The following GRIK2 variants were observed in gnomAD, a reference collection of about 807,000 sequenced individuals.
The protein encoded by GRIK2 is glutamate ionotropic receptor kainate type subunit 2, also known as glutamate receptor ionotropic, kainate 2.
In GRIK2, 32 loss-of-function variants were observed where a neutral mutation model predicts 100.3. The observed-to-expected ratio is 0.32, with a 90% CI of 0.24 to 0.43. GRIK2 has a LOEUF of 0.43. GRIK2 is among the 20% of genes least tolerant of loss of function. The pLI is 1.00. For synonymous variants in GRIK2, 417 were observed against 389.4 expected, an observed-to-expected ratio of 1.07 and a Z score of -0.83; for missense variants, 843 against 1,114.9, an observed-to-expected ratio of 0.76 and a Z score of 3.47.
intron 2 of GRIK2, among the ~76,000 whole-genome samples, chr6:101,569,021 A>C (rs1777414645): frequency 6.6e-6 from 1 of 152,036 alleles, no homozygotes; most frequent in Non-Finnish European, 1.5e-5. Context: ...TCCATGAAAA[A>C]GTCTTGCTTT....
intron 2 of GRIK2, among the ~76,000 whole-genome samples, chr6:101,588,910 A>G (rs1042882799): frequency 1.3e-5 from 2 of 152,112 alleles, no homozygotes; most frequent in South Asian, 4.1e-4. Context: ...CAAGAATACC[A>G]GTGAGCCCAG....
At chr6:101,926,197 T>A (rs1221509364) in intron 13 of GRIK2, among the ~76,000 whole-genome samples, 2 of 85,818 alleles carry the variant, frequency 2.3e-5, no homozygotes, top group Non-Finnish European at 3.5e-5. Flanking sequence ...GTCCAAGGGT[T>A]TTTTTTTTTT....
At chr6:101,617,436 A>G (rs1351415148) in intron 2 of GRIK2, among the ~76,000 whole-genome samples, 1 of 151,800 alleles carries the variant, frequency 6.6e-6, no homozygotes, top group Admixed American at 6.6e-5. Context: ...TTCTTTATTG[A>G]TGCAGGTCTT....
chr6:101,612,235 T>G (rs879340337), intron 2 of GRIK2, among the ~76,000 whole-genome samples: 1 of 151,846 alleles, frequency 6.6e-6, no homozygotes, highest in Non-Finnish European at 1.5e-5. Context: ...TTCTTTGGAC[T>G]AAGAATTAAT....
At chr6:101,891,588 A>C (rs1787103015) in intron 12 of GRIK2, 1 of 401,144 alleles carries the variant, frequency 2.5e-6, no homozygotes, top group Non-Finnish European at 4.8e-6. Flanking sequence ...TTACATATTT[A>C]TATGTAATTA....
In GRIK2 at chr6:102,033,249, C is replaced by A. The variant is rs567074022; in HGVS notation, c.2086-2092C>A. On this transcript the variant is annotated intron_variant, in intron 14 of 16. Transcript: ENST00000369134. ...ATATTTATTTTGCTTGAAAAAAATT[C>A]TATTATTCTTTCTGGAGGAAGTATA... Among the ~76,000 whole-genome samples, 26 of 151,178 alleles carry A rather than the reference C, an allele frequency of 1.7e-4. 1 individual carries two copies. The highest frequency in any genetic ancestry group is 6.3e-4 in the South Asian group (3 of 4,796).
At position 101,627,089 on chromosome 6, in the gene GRIK2, A is replaced by ATG. The variant is rs377491038; in HGVS notation, c.541+465_541+466dup. ...CTAACAATTTAGATCATATTGAATAATGTGTGTGTGTGTGCGTGTGTGTGT... is the reference window on the plus strand; with the variant it reads ...CTAACAATTTAGATCATATTGAATAATGTGTGTGTGTGTGTGCGTGTGTGTGT... On this transcript the variant is annotated intron_variant, in intron 4 of 16. Transcript: ENST00000369134. 8.0e-3 allele frequency among the ~76,000 whole-genome samples: 1,180 copies of ATG among 147,630 alleles called. 8 individuals carry two copies. The highest frequency in any genetic ancestry group is 0.03 in the South Asian group (139 of 4,620).
At chr6:101,882,147 A>G (rs534495965) in intron 11 of GRIK2, among the ~76,000 whole-genome samples, 59 of 152,174 alleles carry the variant, frequency 3.9e-4, no homozygotes, top group African/African-American at 1.4e-3. Context: ...CCATGATTCA[A>G]TTATCTTCCA....
At chr6:101,461,733 G>A (rs1425567202) in intron 2 of GRIK2, among the ~76,000 whole-genome samples, 1 of 152,032 alleles carries the variant, frequency 6.6e-6, no homozygotes, top group Non-Finnish European at 1.5e-5. Context: ...CCTACCCCAG[G>A]CTGAAAAAAC....
At chr6:101,974,166 A>C (rs924234914) in intron 14 of GRIK2, among the ~76,000 whole-genome samples, 24 of 151,980 alleles carry the variant, frequency 1.6e-4, no homozygotes, top group African/African-American at 5.6e-4. Flanking sequence ...ATTGTGAATA[A>C]AAATTCATTT....
At chr6:101,810,021 CA>C (rs1263582261) in intron 9 of GRIK2, among the ~76,000 whole-genome samples, 1 of 151,684 alleles carries the variant, frequency 6.6e-6, no homozygotes, top group African/African-American at 2.4e-5. Context: ...TATTTTGGCC[CA>C]CCAATGAATA....
chr6:101,731,044 ACTTT>A (rs1775232912), intron 7 of GRIK2, among the ~76,000 whole-genome samples: 1 of 151,992 alleles, frequency 6.6e-6, no homozygotes, highest in Admixed American at 6.6e-5. Flanking sequence ...TAGTTCTTCA[ACTTT>A]CTTTCTAAGC....
chr6:101,629,692 G>A (rs975455827), intron 4 of GRIK2, among the ~76,000 whole-genome samples: 1 of 152,016 alleles, frequency 6.6e-6, no homozygotes, highest in Middle Eastern at 3.2e-3. Context: ...TTTTGTTTAT[G>A]TGTCAAAGTC....
At chr6:101,578,508 T>A (rs1325332882) in intron 2 of GRIK2, among the ~76,000 whole-genome samples, 1 of 152,160 alleles carries the variant, frequency 6.6e-6, no homozygotes, top group African/African-American at 2.4e-5. Flanking sequence ...AATCAGAGTC[T>A]AGCATATGGG....
intron 11 of GRIK2, among the ~76,000 whole-genome samples, chr6:101,870,585 C>T (rs1021328412): frequency 6.6e-6 from 1 of 151,712 alleles, no homozygotes; most frequent in Non-Finnish European, 1.5e-5. Flanking sequence ...AAATATCTAC[C>T]AAATAAATGG....
chr6:101,780,721 A>T (rs1469423413), intron 7 of GRIK2, among the ~76,000 whole-genome samples: 1 of 152,110 alleles, frequency 6.6e-6, no homozygotes, highest in Non-Finnish European at 1.5e-5. Context: ...CAAGGCAAGG[A>T]ATTATAGAGT....
intron 7 of GRIK2, chr6:101,744,539 T>TATATATAC (rs1203608202): frequency 2.4e-5 from 3 of 123,070 alleles, no homozygotes; most frequent in African/African-American, 1.0e-4. Context: ...TATATATATA[T>TATATATAC]ATATATATAT....
chr6:101,579,373 G>T (rs1777944510), intron 2 of GRIK2, among the ~76,000 whole-genome samples: 1 of 151,968 alleles, frequency 6.6e-6, no homozygotes, highest in Non-Finnish European at 1.5e-5. Context: ...AAAATGCTCT[G>T]CAGACAGTTT....
chr6:102,051,177 C>G (rs1315306393), intron 15 of GRIK2, among the ~76,000 whole-genome samples: 2 of 152,020 alleles, frequency 1.3e-5, no homozygotes, highest in Non-Finnish European at 2.9e-5. Context: ...AGCATCAGGT[C>G]TTATACATCT....
Sources: allele counts gnomAD v4.1 joint callset (sites outside exome capture counted in the v4.1 genomes callset), GRCh38; gene constraint gnomAD v4.1.1; transcripts MANE v1.5; gene names NCBI Gene and HGNC (gene_info 2026-07-23, HGNC 2026-07-21).